ITPRID1: variants seen among roughly 807,000 people sequenced by gnomAD.
ITPRID1 encodes the protein protein ITPRID1.
Under a neutral mutation model 95.4 loss-of-function variants are expected in ITPRID1, and 96 were observed. The ratio of observed to expected loss-of-function variants is 1.01; its 90% CI spans 0.85 to 1.19. The LOEUF (loss-of-function observed/expected upper bound fraction) is 1.19, where lower values mean the gene tolerates loss of function less well. ITPRID1 is among the 50% of genes most tolerant of loss of function. The pLI is 0.00. For synonymous variants in ITPRID1, 510 were observed against 453.6 expected (o/e 1.12, Z -1.58); for missense variants, 1,339 against 1,252.9 (o/e 1.07, Z -1.04).
intron 12 of ITPRID1, among the ~76,000 whole-genome samples, chr7:31,646,706 T>G (rs1295307696): frequency 6.6e-6 from 1 of 152,146 alleles, no homozygotes; most frequent in Non-Finnish European, 1.5e-5. Flanking sequence ...TCAGCACTCC[T>G]GCAGAAAACA....
At chr7:31,594,550 G>T (rs1785997690) in intron 10 of ITPRID1, among the ~76,000 whole-genome samples, 1 of 152,126 alleles carries the variant, frequency 6.6e-6, no homozygotes, top group South Asian at 2.1e-4. Flanking sequence ...CATAGGAAAT[G>T]GATACAATAA....
At chr7:31,567,719 C>T (rs1753592401) in intron 5 of ITPRID1, among the ~76,000 whole-genome samples, 1 of 152,098 alleles carries the variant, frequency 6.6e-6, no homozygotes, top group African/African-American at 2.4e-5. Flanking sequence ...GTAGCTGTCA[C>T]CCTGCCTGAC....
intron 10 of ITPRID1, among the ~76,000 whole-genome samples, chr7:31,584,711 CTG>C (rs1433861645): frequency 6.6e-6 from 1 of 152,136 alleles, no homozygotes; most frequent in Admixed American, 6.6e-5. Context: ...AAACACAAGA[CTG>C]AGAATAAATA....
At chr7:31,611,541 T>C (rs910229863) in intron 10 of ITPRID1, among the ~76,000 whole-genome samples, 2 of 151,950 alleles carry the variant, frequency 1.3e-5, no homozygotes, top group African/African-American at 4.8e-5. Flanking sequence ...ATTCTGTTTT[T>C]GTTTATCTGA....
At chr7:31,632,786 T>C (rs1012469940) in intron 10 of ITPRID1, among the ~76,000 whole-genome samples, 1 of 152,172 alleles carries the variant, frequency 6.6e-6, no homozygotes, top group Admixed American at 6.5e-5. Flanking sequence ...AGTAAGAGCC[T>C]ATTCAAAAGT....
chr7:31,642,644 T>C (rs1228415290), intron 11 of ITPRID1, 38 bp from the exon 12 acceptor site: 1 of 1,584,522 alleles, frequency 6.3e-7, no homozygotes, highest in Non-Finnish European at 8.6e-7. Context: ...CTCCTCCACT[T>C]CCTGACCTGT....
intron 1 of ITPRID1, among the ~76,000 whole-genome samples, chr7:31,519,111 T>G (rs1783136010): frequency 2.6e-5 from 4 of 152,168 alleles, no homozygotes. Flanking sequence ...TGCAGCGTGC[T>G]CTGCAGGTAC....
chr7:31,639,382 T>C (rs1230098761), intron 10 of ITPRID1, among the ~76,000 whole-genome samples: 1 of 134,050 alleles, frequency 7.5e-6, no homozygotes, highest in Middle Eastern at 3.4e-3. Flanking sequence ...GCTATATATA[T>C]CCAGTATAAA....
At chr7:31,594,811 C>A (rs554487791) in intron 10 of ITPRID1, among the ~76,000 whole-genome samples, 1 of 151,490 alleles carries the variant, frequency 6.6e-6, no homozygotes, top group Non-Finnish European at 1.5e-5. Context: ...GAGTTGAGAT[C>A]GTGCCACTGC....
In ITPRID1 at chr7:31,656,431, G is replaced by C. The variant is rs897811158; in HGVS notation, c.*3602G>C. ...CAGTGTTTAATCCAATGTCCATCAC[G>C]TAGTAAGTGTTCAATGCATGTTGGC... On this transcript the variant is annotated 3_prime_UTR_variant, in exon 15 of 15. Coordinates refer to ENST00000615280, the MANE Select transcript of ITPRID1 (RefSeq NM_001257967.3). 2 of 754,956 alleles carry C rather than the reference G, an allele frequency of 2.6e-6. No homozygotes were observed. Among genetic ancestry groups the C allele is most frequent in the Non-Finnish European group, 3.2e-6 (2 of 619,950 alleles). 46.8% of individuals were successfully genotyped at this position (754,956 alleles called of 1,614,324 possible).
intron 10 of ITPRID1, among the ~76,000 whole-genome samples, chr7:31,627,602 G>T (rs1011121480): frequency 2.1e-5 from 3 of 139,698 alleles, no homozygotes; most frequent in African/African-American, 8.0e-5. Flanking sequence ...TGGCTACGCA[G>T]TAAGCTGCGA....
At chr7:31,573,127 C>T (rs1178357492) in intron 7 of ITPRID1, among the ~76,000 whole-genome samples, 2 of 152,166 alleles carry the variant, frequency 1.3e-5, no homozygotes, top group East Asian at 3.8e-4. Flanking sequence ...ATGGAGCCAT[C>T]TCCAGTTCAC....
chr7:31,548,920 A>C (rs903924487), intron 1 of ITPRID1, among the ~76,000 whole-genome samples: 1 of 152,102 alleles, frequency 6.6e-6, no homozygotes, highest in Non-Finnish European at 1.5e-5. Context: ...ACTTCTCTTC[A>C]ATGCTGCTCT....
chr7:31,532,516 A>C (rs1000661298), intron 1 of ITPRID1, among the ~76,000 whole-genome samples: 1 of 152,156 alleles, frequency 6.6e-6, no homozygotes, highest in African/African-American at 2.4e-5. Context: ...TGGTTTGAAG[A>C]AGTATTTCTA....
At chr7:31,544,914 A>G (rs935943315) in intron 1 of ITPRID1, among the ~76,000 whole-genome samples, 1 of 152,172 alleles carries the variant, frequency 6.6e-6, no homozygotes, top group African/African-American at 2.4e-5. Context: ...TTCATTCATT[A>G]AAGAGTTATT....
intron 12 of ITPRID1, among the ~76,000 whole-genome samples, chr7:31,649,122 T>C (rs1329002106): frequency 1.3e-5 from 2 of 152,228 alleles, no homozygotes; most frequent in African/African-American, 4.8e-5. Context: ...CTATGCAAAA[T>C]ACGTTATTCA....
At chr7:31,583,459 C>G (rs932329634) in intron 10 of ITPRID1, among the ~76,000 whole-genome samples, 4 of 152,052 alleles carry the variant, frequency 2.6e-5, no homozygotes, top group Non-Finnish European at 5.9e-5. Context: ...AACCTCATTT[C>G]TACTAAAAAT....
chr7:31,586,660 G>A (rs532289812), intron 10 of ITPRID1, among the ~76,000 whole-genome samples: 2 of 151,812 alleles, frequency 1.3e-5, no homozygotes, highest in East Asian at 3.9e-4. Flanking sequence ...GTCTGTTCAT[G>A]TCCTTCACCC....
chr7:31,625,279 A>G (rs552594250), intron 10 of ITPRID1, among the ~76,000 whole-genome samples: 1 of 84,438 alleles, frequency 1.2e-5, no homozygotes, highest in East Asian at 6.5e-4. Flanking sequence ...CTGGGTATAT[A>G]CCCAAAGGAT....
Sources: gnomAD v4.1 joint callset for allele counts (sites outside exome capture counted in the v4.1 genomes callset) on GRCh38, gnomAD v4.1.1 for gene constraint, MANE v1.5 for transcripts, NCBI Gene and HGNC (gene_info 2026-07-23, HGNC 2026-07-21) for gene names.